Variants in TSPEAR observed in about 807,000 individuals in gnomAD.
TSPEAR encodes the protein thrombospondin-type laminin G domain and EAR repeat-containing protein.
Under a neutral mutation model 71.6 loss-of-function variants are expected in TSPEAR, and 69 were observed. That is an observed-to-expected ratio of 0.96 (90% CI 0.79 to 1.18). TSPEAR has a LOEUF of 1.18. TSPEAR is among the 50% of genes most tolerant of loss of function. The pLI, the probability that TSPEAR is intolerant of heterozygous loss-of-function variation, is 0.00. For missense variants in TSPEAR, 971 were observed against 894.9 expected, an observed-to-expected ratio of 1.09 and a Z score of -1.09; for synonymous variants, 402 against 387.2, an observed-to-expected ratio of 1.04 and a Z score of -0.45.
intron 1 of TSPEAR, among the ~76,000 whole-genome samples, chr21:44,608,932 C>A (rs1186070992): frequency 6.6e-6 from 1 of 152,138 alleles, no homozygotes; most frequent in African/African-American, 2.4e-5. Flanking sequence ...TCTAGGAGCA[C>A]TATTAACAGC....
chr21:44,677,833 G>A, intron 1 of TSPEAR: 1 of 1,302,584 alleles, frequency 7.7e-7, no homozygotes, highest in South Asian at 1.2e-5. Context: ...ACCTCGAAGA[G>A]TTTGTCTGAG....
chr21:44,532,038 A>T (rs1244828637), intron 3 of TSPEAR, among the ~76,000 whole-genome samples: 1 of 152,192 alleles, frequency 6.6e-6, no homozygotes, highest in Non-Finnish European at 1.5e-5. Context: ...TGTCCCAGAA[A>T]GCCCCGTCCT....
At chr21:44,694,708 A>G (rs1043579790) in intron 1 of TSPEAR, among the ~76,000 whole-genome samples, 1 of 152,230 alleles carries the variant, frequency 6.6e-6, no homozygotes, top group African/African-American at 2.4e-5. Context: ...ATGTATTGAT[A>G]AAGTCATAAT....
intron 1 of TSPEAR, among the ~76,000 whole-genome samples, chr21:44,631,487 C>T (rs2146209858): frequency 6.6e-6 from 1 of 152,230 alleles, no homozygotes; most frequent in East Asian, 1.9e-4. Flanking sequence ...GAGGCTGAGG[C>T]AGGCAGATCA....
intron 10 of TSPEAR, chr21:44,507,973 T>TTTTAA (rs1301961296): frequency 2.6e-4 from 40 of 152,242 alleles, no homozygotes; most frequent in African/African-American, 8.9e-4. Context: ...AGTGTTCTTT[T>TTTTAA]TTTAATTTTT....
At chr21:44,622,620 C>T (rs468432) in intron 1 of TSPEAR, among the ~76,000 whole-genome samples, 22,225 of 152,144 alleles carry the variant, frequency 0.15, 2,777 homozygotes, top group African/African-American at 0.31. Context: ...TTTGCCTTGG[C>T]TGTCATACGC....
At chr21:44,634,278 G>A (rs1983416976) in intron 1 of TSPEAR, among the ~76,000 whole-genome samples, 1 of 151,780 alleles carries the variant, frequency 6.6e-6, no homozygotes, top group Non-Finnish European at 1.5e-5. Flanking sequence ...AGGACAACTG[G>A]ATATCTACAC....
intron 11 of TSPEAR, among the ~76,000 whole-genome samples, chr21:44,503,108 G>A (rs587672556): frequency 8.3e-5 from 12 of 143,928 alleles, no homozygotes; most frequent in South Asian, 2.2e-4. Flanking sequence ...GGAGGAGGCC[G>A]GCCTCGGTGA....
intron 10 of TSPEAR, chr21:44,508,878 C>T (rs182652109): frequency 2.0e-5 from 29 of 1,442,610 alleles, no homozygotes; most frequent in African/African-American, 1.8e-4. Context: ...GCTATCCCTC[C>T]GCACGACGGG....
intron 10 of TSPEAR, among the ~76,000 whole-genome samples, chr21:44,507,885 C>T (rs753018885): frequency 2.6e-5 from 4 of 151,402 alleles, no homozygotes; most frequent in East Asian, 1.9e-4. Context: ...GCAGGGGCCA[C>T]GGAGCCCACA....
chr21:44,673,866 G>C (rs1555946423), intron 1 of TSPEAR, among the ~76,000 whole-genome samples: 1 of 151,714 alleles, frequency 6.6e-6, no homozygotes, highest in Non-Finnish European at 1.5e-5. Flanking sequence ...ATGGCTACTG[G>C]GTTAATGAAG....
intron 1 of TSPEAR, among the ~76,000 whole-genome samples, chr21:44,615,676 G>A (rs1342583740): frequency 1.3e-5 from 2 of 151,396 alleles, no homozygotes; most frequent in South Asian, 2.1e-4. Context: ...GCTTTCTCCC[G>A]CCTGCCCACA....
At chr21:44,606,452 A>T (rs1981321232) in intron 1 of TSPEAR, among the ~76,000 whole-genome samples, 1 of 152,210 alleles carries the variant, frequency 6.6e-6, no homozygotes, top group Admixed American at 6.5e-5. Context: ...CCACTACGGG[A>T]AACAGTATAG....
chr21:44,700,346 C>A (rs1987589675), intron 1 of TSPEAR, among the ~76,000 whole-genome samples: 1 of 152,158 alleles, frequency 6.6e-6, no homozygotes, highest in African/African-American at 2.4e-5. Context: ...TTCCTCTGTC[C>A]TTGCTGGGGC....
At chr21:44,551,825 C>T (rs2053446201) in intron 2 of TSPEAR, among the ~76,000 whole-genome samples, 1 of 152,152 alleles carries the variant, frequency 6.6e-6, no homozygotes, top group Non-Finnish European at 1.5e-5. Context: ...CGTGACTGTG[C>T]CCAGCGTGAG....
chr21:44,586,825 C>T (rs113083240), intron 1 of TSPEAR, among the ~76,000 whole-genome samples: 11,833 of 152,208 alleles, frequency 0.078, 1,399 homozygotes, highest in African/African-American at 0.26. Context: ...AAAAAGCTTT[C>T]GACAAAATCC....
At chr21:44,534,965 C>T (rs1216482169) in intron 2 of TSPEAR, among the ~76,000 whole-genome samples, 1 of 152,164 alleles carries the variant, frequency 6.6e-6, no homozygotes, top group Non-Finnish European at 1.5e-5. Flanking sequence ...GAAATGCTGA[C>T]ACATGCTGCA....
Position 44,695,535 on chromosome 21 carries a change from T to A in TSPEAR, c.82+15898A>T, listed in dbSNP as rs1445944662. ...ATGACCTCCGATCCCAAGACCCTTT[T>A]CCCAAGTCCAATTTTTCCTCCAAGT... is the stretch of plus-strand genomic sequence containing the variant. On this transcript the variant is annotated intron_variant, in intron 1 of 11. Coordinates refer to ENST00000323084, the MANE Select transcript of TSPEAR (RefSeq NM_144991.3). This position sits in a 1 kb window ranked among gnomAD's most constrained non-coding sequence, Gnocchi z 4.5. 6.6e-6 allele frequency among the ~76,000 whole-genome samples: 1 copy of A among 152,148 alleles called. No homozygotes were observed. Among genetic ancestry groups the A allele is most frequent in the African/African-American group, 2.4e-5 (1 of 41,426 alleles).
chr21:44,637,624 C>G (rs1983693194), intron 1 of TSPEAR: 1 of 1,613,904 alleles, frequency 6.2e-7, no homozygotes, highest in South Asian at 1.1e-5. Flanking sequence ...ACACCAGCTC[C>G]TGCACAACCC....
Sources: allele counts gnomAD v4.1 joint callset (sites outside exome capture counted in the v4.1 genomes callset), GRCh38; gene constraint gnomAD v4.1.1; non-coding constraint Gnocchi (gnomAD v3.1); transcripts MANE v1.5; gene names NCBI Gene and HGNC (gene_info 2026-07-23, HGNC 2026-07-21).